The following PRR23C variants were observed in gnomAD, a reference collection of about 807,000 sequenced individuals.
PRR23C encodes the protein proline rich 23C.
A neutral mutation model predicts 0.1 loss-of-function variants in PRR23C; 1 was observed. That is an observed-to-expected ratio of 6.80 (90% CI 2.41 to 32.24). PRR23C has a LOEUF of 32.24. PRR23C is among the 30% of genes most tolerant of loss of function. PRR23C has a pLI of 0.11. For missense variants in PRR23C, 361 were observed against 370.4 expected (o/e 0.97, Z 0.21); for synonymous variants, 172 against 168.1 (o/e 1.02, Z -0.18).
rs1396952067 is a variant in PRR23C at position 139,044,841 on chromosome 3, C to G, written c.-221G>C. ...GTGGCTCAGCCTCGCGCGATGGAAACTTGGGCCTTCCTGACGCAGACCCGG... is the reference window on the plus strand; with the variant it reads ...GTGGCTCAGCCTCGCGCGATGGAAAGTTGGGCCTTCCTGACGCAGACCCGG... On this transcript the variant is annotated 5_prime_UTR_variant, in exon 1 of 1. Coordinates refer to ENST00000413199, the MANE Select transcript of PRR23C (RefSeq NM_001134657.1). The surrounding 1 kb of genome is among the most constrained non-coding windows in gnomAD (Gnocchi z 7.5). 4 of 542,712 alleles carry G rather than the reference C, an allele frequency of 7.4e-6. No individual in the cohort carries two copies. The allele number at this position is 542,712 out of a possible 1,614,324, so 33.6% of individuals were successfully genotyped here.
rs1429043765 is a variant in PRR23C at position 139,043,160 on chromosome 3, A to G, written c.*672T>C. 1 of 152,190 alleles carries G rather than the reference A, an allele frequency of 6.6e-6. No individual in the cohort carries two copies. Among genetic ancestry groups the G allele is most frequent in the Non-Finnish European group, 1.5e-5 (1 of 68,026 alleles). 9.4% of individuals were successfully genotyped at this position (152,190 alleles called of 1,614,324 possible). A position where few individuals can be genotyped will look rare whatever the true frequency, so the allele number is the denominator to read the frequency against. Reference sequence around the variant, plus strand: ...ATTAAAAACATAGAAGAAGAAATGAATGGAAAAGAGCTGGCTCTAAGAGTT... The same window carrying G: ...ATTAAAAACATAGAAGAAGAAATGAGTGGAAAAGAGCTGGCTCTAAGAGTT... On this transcript the variant is annotated 3_prime_UTR_variant, in exon 1 of 1. Coordinates refer to ENST00000413199, the MANE Select transcript of PRR23C (RefSeq NM_001134657.1).
In PRR23C at chr3:139,044,426, C is replaced by T. The variant is rs762194143; in HGVS notation, c.195G>A (p.Ala65=). Residue 65 remains alanine (A), a synonymous_variant, in exon 1 of 1, where the codon GCG becomes GCA. Coordinates refer to ENST00000413199, the MANE Select transcript of PRR23C (RefSeq NM_001134657.1). The surrounding 1 kb of genome is among the most constrained non-coding windows in gnomAD (Gnocchi z 7.5). ...DALTSMVVLD[A]GCALRVPLED... is the part of the protein sequence containing the mutation. The stretch of plus-strand genomic sequence containing the variant: ...CCAGGGGCACACGCAGGGCACAGCC[C>T]GCGTCCAGGACCACCATGGAGGTGA... The T allele has an allele frequency of 5.1e-6, 8 of 1,558,248 alleles. No homozygotes were observed. The highest frequency in any genetic ancestry group is 1.9e-5 in the Admixed American group (1 of 51,508).
In PRR23C at chr3:139,043,793, T is replaced by C. The variant is rs1190986921; in HGVS notation, c.*39A>G. ...CAACGGCTATCAGGAGACGGTCTCCTGGAGCCCAGCAGGGTGGCAAGGGAT... is the reference window on the plus strand; with the variant it reads ...CAACGGCTATCAGGAGACGGTCTCCCGGAGCCCAGCAGGGTGGCAAGGGAT... On this transcript the variant is annotated 3_prime_UTR_variant, in exon 1 of 1. Transcript: ENST00000413199. The C allele has an allele frequency of 1.4e-5, 20 of 1,479,812 alleles. No homozygotes were observed. The highest frequency in any genetic ancestry group is 2.8e-5 in the African/African-American group (2 of 70,604). 91.7% of individuals were successfully genotyped at this position (1,479,812 alleles called of 1,614,324 possible). A position where few individuals can be genotyped will look rare whatever the true frequency, so the allele number is the denominator to read the frequency against.
chr3:139,044,096 G>T lies in PRR23C; in HGVS notation c.525C>A (p.Ala175=). The change falls in exon 1 of 1, where the codon GCC becomes GCA. Residue 175 remains alanine, a synonymous_variant. Transcript: ENST00000413199. This position sits in a 1 kb window ranked among gnomAD's most constrained non-coding sequence, Gnocchi z 7.5. ...ELWMDSAAGS[A]AGLYPSARSM... is the part of the protein sequence containing the mutation. ...TTCTAGCGGAGGGGTAGAGCCCAGC[G>T]GCTGAGCCGGCTGCGGAGTCCATCC... 6.2e-7 allele frequency: 1 copy of T among 1,613,248 alleles called. No individual in the cohort carries two copies.
At position 139,044,156 on chromosome 3, in the gene PRR23C, G is replaced by A. The variant is rs750171600; in HGVS notation, c.465C>T (p.Tyr155=). The A allele has an allele frequency of 5.6e-6, 9 of 1,613,204 alleles. No homozygotes were observed. The South Asian group carries it at 6.6e-5, about 12-fold the overall frequency. ...VPEIAAEEEA[Y]EEDADSEFPE... ...GGAACTCAGAGTCCGCGTCCTCCTC[G>A]TAGGCCTCTTCCTCGGCAGCGATCT... The change falls in exon 1 of 1, where the codon TAC becomes TAT. Residue 155 remains tyrosine (Y), a synonymous_variant. Coordinates refer to ENST00000413199, the MANE Select transcript of PRR23C (RefSeq NM_001134657.1). This position sits in a 1 kb window ranked among gnomAD's most constrained non-coding sequence, Gnocchi z 7.5.
Position 139,043,744 on chromosome 3 carries a change from C to A in PRR23C, c.*88G>T, listed in dbSNP as rs890270391. ...TATCCGTTATCCACTCTCCGAGATC[C>A]TTGTAGGTTGCGCAACATACACACA... is the stretch of plus-strand genomic sequence containing the variant. On this transcript the variant is annotated 3_prime_UTR_variant, in exon 1 of 1. Coordinates refer to ENST00000413199, the MANE Select transcript of PRR23C (RefSeq NM_001134657.1). 1.6e-6 allele frequency: 2 copies of A among 1,229,742 alleles called. No homozygotes were observed. Among genetic ancestry groups the A allele is most frequent in the Non-Finnish European group, 2.2e-6 (2 of 897,214 alleles). The allele number at this position is 1,229,742 out of a possible 1,614,324, so 76.2% of individuals were successfully genotyped here.
chr3:139,044,393 G>C lies in PRR23C; in HGVS notation c.228C>G (p.Val76=). The C allele has an allele frequency of 6.3e-7, 1 of 1,577,754 alleles. No individual in the cohort carries two copies. Among genetic ancestry groups the C allele is most frequent in the South Asian group, 1.2e-5 (1 of 86,084 alleles). Reference sequence around the variant, plus strand: ...TTGGCGCGAGCTCCAGCACCAGGTCGACGTCCTCCAGGGGCACACGCAGGG... The same window carrying C: ...TTGGCGCGAGCTCCAGCACCAGGTCCACGTCCTCCAGGGGCACACGCAGGG... ...GCALRVPLED[V]DLVLELAPMS... The change falls in exon 1 of 1, where the codon GTC becomes GTG. Residue 76 remains valine, a synonymous_variant. Coordinates refer to ENST00000413199, the MANE Select transcript of PRR23C (RefSeq NM_001134657.1). This position sits in a 1 kb window ranked among gnomAD's most constrained non-coding sequence, Gnocchi z 7.5.
At position 139,042,334 on chromosome 3, in the gene PRR23C, C is replaced by A. The variant is rs1421550951; in HGVS notation, c.*1498G>T. ...CTATTGTATTGTATTATTGTATACA[C>A]ACAAATAATTAAATGTCAACATTTA... is the stretch of plus-strand genomic sequence containing the variant. On this transcript the variant is annotated 3_prime_UTR_variant, in exon 1 of 1. Transcript: ENST00000413199. 1.3e-5 allele frequency: 2 copies of A among 152,062 alleles called. No homozygotes were observed. Among genetic ancestry groups the A allele is most frequent in the Non-Finnish European group, 2.9e-5 (2 of 68,010 alleles). 9.4% of individuals were successfully genotyped at this position (152,062 alleles called of 1,614,324 possible).
rs1300560897 is a variant in PRR23C, at chr3:139,043,145, T to G, written c.*687A>C. ...GGATAAAATAATTATATTAAAAACA[T>G]AGAAGAAGAAATGAATGGAAAAGAG... On this transcript the variant is annotated 3_prime_UTR_variant, in exon 1 of 1. Transcript: ENST00000413199. The G allele has an allele frequency of 2.6e-5, 4 of 151,764 alleles. No individual in the cohort carries two copies. The highest frequency in any genetic ancestry group is 4.4e-5 in the Non-Finnish European group (3 of 67,938). 9.4% of individuals were successfully genotyped at this position (151,764 alleles called of 1,614,324 possible).
Position 139,044,466 on chromosome 3 carries a change from G to A in PRR23C, c.155C>T (p.Pro52Leu), listed in dbSNP as rs770815449. 19 of 1,541,044 alleles carry A rather than the reference G, an allele frequency of 1.2e-5. No homozygotes were observed. The highest frequency in any genetic ancestry group is 5.5e-5 in the African/African-American group (4 of 72,738). Residue 52 changes from proline (P) to leucine (L), a missense_variant, in exon 1 of 1, where the codon CCG becomes CTG. Pro to Leu is a moderately conservative substitution (Grantham distance 98, BLOSUM62 -3). Transcript: ENST00000413199. The surrounding 1 kb of genome is among the most constrained non-coding windows in gnomAD (Gnocchi z 7.5). ...APSPEDPAGT[P>L]AVDALTSMVV... The stretch of plus-strand genomic sequence containing the variant: ...CATGGAGGTGAGCGCGTCCACGGCC[G>A]GGGTCCCCGCCGGGTCTTCCGGGCT...
chr3:139,044,688 C>A lies in PRR23C; in HGVS notation c.-68G>T. On this transcript the variant is annotated 5_prime_UTR_variant, in exon 1 of 1. Transcript: ENST00000413199. The surrounding 1 kb of genome is among the most constrained non-coding windows in gnomAD (Gnocchi z 7.5). The stretch of plus-strand genomic sequence containing the variant: ...GGACGTGGGTGCGGGGGGCTCGGGG[C>A]GGCGAAGTCCTCTTTGAGGTAACAG... The A allele has an allele frequency of 7.1e-7, 1 of 1,408,610 alleles. No homozygotes were observed. Among genetic ancestry groups the A allele is most frequent in the Non-Finnish European group, 9.2e-7 (1 of 1,083,686 alleles). The allele number at this position is 1,408,610 out of a possible 1,614,324, so 87.3% of individuals were successfully genotyped here.
Position 139,044,010 on chromosome 3 carries a change from G to C in PRR23C, c.611C>G (p.Pro204Arg). ...GCGTGGAGAGCGTCTCTCTGAACTG[G>C]GGTTGGGGGCCAGAGCACAGGGCCC... ...IRGPCALAPNPSSERRSPRPI... is the reference protein window; with the variant it reads ...IRGPCALAPNRSSERRSPRPI... Residue 204 changes from proline to arginine, a missense_variant, in exon 1 of 1, where the codon CCC becomes CGC. Physicochemically the swap from Pro to Arg is moderately radical, Grantham distance 103. Coordinates refer to ENST00000413199, the MANE Select transcript of PRR23C (RefSeq NM_001134657.1). This position sits in a 1 kb window ranked among gnomAD's most constrained non-coding sequence, Gnocchi z 7.5. 6.2e-7 allele frequency: 1 copy of C among 1,613,234 alleles called. No homozygotes were observed. Among genetic ancestry groups the C allele is most frequent in the Non-Finnish European group, 8.5e-7 (1 of 1,179,578 alleles).
chr3:139,043,855 G>A, the PRR23C span: 2 of 1,554,098 alleles, frequency 1.3e-6, no homozygotes, highest in Admixed American at 3.9e-5. Context: ...AGGCGTCTTC[G>A]GACCTTGCAC....
chr3:139,044,661 G>T lies in PRR23C; in HGVS notation c.-41C>A. ...GCGGACGGCGCTCCTGGGCCTGGCA[G>T]GGGACGTGGGTGCGGGGGGCTCGGG... On this transcript the variant is annotated 5_prime_UTR_variant, in exon 1 of 1. It adds an upstream start codon to the 5' untranslated region. Transcript: ENST00000413199. This position sits in a 1 kb window ranked among gnomAD's most constrained non-coding sequence, Gnocchi z 7.5. 1 of 1,451,670 alleles carries T rather than the reference G, an allele frequency of 6.9e-7. No individual in the cohort carries two copies. Among genetic ancestry groups the T allele is most frequent in the South Asian group, 1.4e-5 (1 of 69,068 alleles). The allele number at this position is 1,451,670 out of a possible 1,614,324, so 89.9% of individuals were successfully genotyped here.
rs969946539 is a variant in PRR23C at position 139,042,197 on chromosome 3, A to G, written c.*1635T>C. ...TTCTCCTTCCACTTGTGTCTTCTCA[A>G]GTCCTCATAAAGCATCCAATTGTTT... is the stretch of plus-strand genomic sequence containing the variant. On this transcript the variant is annotated 3_prime_UTR_variant, in exon 1 of 1. Coordinates refer to ENST00000413199, the MANE Select transcript of PRR23C (RefSeq NM_001134657.1). 4.6e-5 allele frequency: 7 copies of G among 152,168 alleles called. No individual in the cohort carries two copies. Among genetic ancestry groups the G allele is most frequent in the Admixed American group, 4.6e-4 (7 of 15,280 alleles). 9.4% of individuals were successfully genotyped at this position (152,168 alleles called of 1,614,324 possible).
In PRR23C at chr3:139,044,185, G is replaced by A; in HGVS notation, c.436C>T (p.Pro146Ser). Residue 146 changes from proline to serine, a missense_variant, in exon 1 of 1, where the codon CCA becomes TCA. By Grantham distance (74) the Pro-to-Ser change is moderately conservative. Coordinates refer to ENST00000413199, the MANE Select transcript of PRR23C (RefSeq NM_001134657.1). The surrounding 1 kb of genome is among the most constrained non-coding windows in gnomAD (Gnocchi z 7.5). ...VVEQEVCASV[P>S]EIAAEEEAYE... ...GCCTCTTCCTCGGCAGCGATCTCTG[G>A]GACAGATGCGCAGACTTCCTGCTCG... 6.2e-7 allele frequency: 1 copy of A among 1,613,386 alleles called. No individual in the cohort carries two copies.
Position 139,044,419 on chromosome 3 carries a change from C to T in PRR23C, c.202G>A (p.Ala68Thr), listed in dbSNP as rs1307657447. ...ACGTCCTCCAGGGGCACACGCAGGG[C>T]ACAGCCCGCGTCCAGGACCACCATG... ...TSMVVLDAGC[A>T]LRVPLEDVDL... Residue 68 changes from alanine to threonine, a missense_variant, in exon 1 of 1, where the codon GCC becomes ACC. Ala to Thr is a moderately conservative substitution (Grantham distance 58). Transcript: ENST00000413199. The surrounding 1 kb of genome is among the most constrained non-coding windows in gnomAD (Gnocchi z 7.5). The T allele has an allele frequency of 6.4e-7, 1 of 1,561,952 alleles. No homozygotes were observed. The highest frequency in any genetic ancestry group is 1.9e-5 in the Admixed American group (1 of 51,918).
Position 139,042,876 on chromosome 3 carries a change from C to A in PRR23C, c.*956G>T, listed in dbSNP as rs934901904. 1.3e-5 allele frequency: 2 copies of A among 152,178 alleles called. No homozygotes were observed. The highest frequency in any genetic ancestry group is 6.5e-5 in the Admixed American group (1 of 15,268). 9.4% of individuals were successfully genotyped at this position (152,178 alleles called of 1,614,324 possible). A position where few individuals can be genotyped will look rare whatever the true frequency, so the allele number is the denominator to read the frequency against. On this transcript the variant is annotated 3_prime_UTR_variant, in exon 1 of 1. Transcript: ENST00000413199. ...ACCAGCCTGGCCAACATGGTGAAAC[C>A]CCGTCTCTACTAAAAATACAAAATT...
chr3:139,043,987 G>T lies in PRR23C; in HGVS notation c.634C>A (p.Arg212Ser). ...TGGAATTCCAGGTCGAAGATGGGGC[G>T]TGGAGAGCGTCTCTCTGAACTGGGG... The part of the protein sequence containing the change: ...PNPSSERRSP[R>S]PIFDLEFHLL... The change falls in exon 1 of 1, where the codon CGC (arginine) becomes AGC (serine). Residue 212 changes from arginine (R) to serine (S), a missense_variant. By Grantham distance (110) the Arg-to-Ser change is moderately radical. Coordinates refer to ENST00000413199, the MANE Select transcript of PRR23C (RefSeq NM_001134657.1). The T allele has an allele frequency of 6.2e-7, 1 of 1,611,932 alleles. No homozygotes were observed. Among genetic ancestry groups the T allele is most frequent in the South Asian group, 1.1e-5 (1 of 90,594 alleles).
Sources: gnomAD v4.1 joint callset for allele counts on GRCh38, gnomAD v4.1.1 for gene constraint, Gnocchi (gnomAD v3.1) non-coding constraint, MANE v1.5 for transcripts, NCBI Gene and HGNC (gene_info 2026-07-23, HGNC 2026-07-21) for gene names.